Variants in TRMT11 observed in about 807,000 individuals in gnomAD.
The protein encoded by TRMT11 is tRNA (guanine(10)-N(2))-methyltransferase TRMT11.
Under a neutral mutation model 62.8 loss-of-function variants are expected in TRMT11, and 53 were observed. That is an observed-to-expected ratio of 0.84 (90% CI 0.68 to 1.06). The LOEUF (loss-of-function observed/expected upper bound fraction) is 1.06. Among genes scored for constraint, TRMT11 ranks in the 50% least tolerant of loss-of-function variants. The probability of loss-of-function intolerance (pLI) is 0.00; values close to 1 mark genes in which losing one functional copy is unlikely to be tolerated. For synonymous variants in TRMT11, 188 were observed against 190.3 expected (o/e 0.99, Z 0.10); for missense variants, 556 against 553.4 (o/e 1.00, Z -0.05).
chr6:126,009,840 TTTTA>T (rs1359241752), intron 8 of TRMT11, among the ~76,000 whole-genome samples: 1 of 152,092 alleles, frequency 6.6e-6, no homozygotes, highest in Non-Finnish European at 1.5e-5. Flanking sequence ...TTACTTGAAT[TTTTA>T]TTTATTAAAG....
chr6:126,176,518 G>A (rs1182878825), upstream of TRMT11, among the ~76,000 whole-genome samples: 1 of 152,130 alleles, frequency 6.6e-6, no homozygotes, highest in African/African-American at 2.4e-5. Context: ...TTTGTAGTGT[G>A]CAATTTTAAG....
At chr6:126,015,967 C>T (rs1291008000) in intron 11 of TRMT11, among the ~76,000 whole-genome samples, 1 of 152,190 alleles carries the variant, frequency 6.6e-6, no homozygotes. Flanking sequence ...AGCCACTCCT[C>T]CTGGTAATGT....
intron 12 of TRMT11, among the ~76,000 whole-genome samples, chr6:126,035,314 G>T (rs909520690): frequency 6.6e-6 from 1 of 152,106 alleles, no homozygotes; most frequent in East Asian, 1.9e-4. Context: ...CTTACTCGAA[G>T]CAGGACTTGT....
chr6:126,270,633 C>T, the TRMT11 span, among the ~76,000 whole-genome samples: 1 of 152,106 alleles, frequency 6.6e-6, no homozygotes, highest in Non-Finnish European at 1.5e-5. Flanking sequence ...TCAGGCAATA[C>T]ATGCTGAGGA....
the TRMT11 span, among the ~76,000 whole-genome samples, chr6:126,216,559 A>G: frequency 2.0e-5 from 3 of 152,064 alleles, no homozygotes; most frequent in Non-Finnish European, 4.4e-5. Context: ...GAAATATGTC[A>G]TGCCTCTCTC....
intron 12 of TRMT11, among the ~76,000 whole-genome samples, chr6:126,023,147 G>C (rs1241285626): frequency 6.6e-6 from 1 of 152,160 alleles, no homozygotes; most frequent in Non-Finnish European, 1.5e-5. Context: ...CTATTTCAAG[G>C]ATGATGATTT....
At chr6:126,225,982 C>T in the TRMT11 span, among the ~76,000 whole-genome samples, 4 of 151,708 alleles carry the variant, frequency 2.6e-5, no homozygotes, top group African/African-American at 9.7e-5. Context: ...GTGAGTACCG[C>T]GCCTGGCCTA....
At chr6:126,164,781 T>C (rs982223006) in intron 21 of TRMT11, among the ~76,000 whole-genome samples, 2 of 152,200 alleles carry the variant, frequency 1.3e-5, no homozygotes, top group Non-Finnish European at 2.9e-5. Context: ...GTCTGTTTTA[T>C]CAGAGACTAG....
chr6:126,079,414 G>A (rs1777108722), intron 17 of TRMT11, among the ~76,000 whole-genome samples: 1 of 152,118 alleles, frequency 6.6e-6, no homozygotes, highest in Non-Finnish European at 1.5e-5. Context: ...GAGGGAATCT[G>A]AAGACAGACA....
At chr6:126,054,213 G>C (rs1776303059) in intron 17 of TRMT11, among the ~76,000 whole-genome samples, 1 of 152,138 alleles carries the variant, frequency 6.6e-6, no homozygotes, top group Non-Finnish European at 1.5e-5. Flanking sequence ...CTTGACAAAG[G>C]GTGCCTGTAA....
intron 17 of TRMT11, among the ~76,000 whole-genome samples, chr6:126,078,493 G>A (rs894385390): frequency 6.0e-5 from 9 of 150,334 alleles, no homozygotes; most frequent in Non-Finnish European, 1.2e-4. Flanking sequence ...TAATTCCCAT[G>A]ATGTGAAGAG....
intron 12 of TRMT11, among the ~76,000 whole-genome samples, chr6:126,037,936 AT>A (rs1448585905): frequency 6.6e-6 from 1 of 152,078 alleles, no homozygotes; most frequent in African/African-American, 2.4e-5. Flanking sequence ...GTGTAATTGA[AT>A]ATGAATTTAT....
intron 3 of TRMT11, among the ~76,000 whole-genome samples, chr6:125,996,965 A>G (rs903810579): frequency 6.6e-6 from 1 of 152,206 alleles, no homozygotes; most frequent in Non-Finnish European, 1.5e-5. Context: ...ATGAAATAAA[A>G]ATGACTAGAA....
chr6:126,131,544 A>C (rs1439473995), intron 21 of TRMT11, among the ~76,000 whole-genome samples: 1 of 152,004 alleles, frequency 6.6e-6, no homozygotes, highest in African/African-American at 2.4e-5. Context: ...ATTAGAGCAC[A>C]GAAACGAGGC....
At chr6:126,025,329 A>T (rs1772852671) in intron 12 of TRMT11, among the ~76,000 whole-genome samples, 1 of 152,294 alleles carries the variant, frequency 6.6e-6, no homozygotes, top group African/African-American at 2.4e-5. Context: ...TTAAAATGAT[A>T]AATGAGGGTA....
downstream of TRMT11, among the ~76,000 whole-genome samples, chr6:126,207,684 T>C (rs1034608193): frequency 2.6e-5 from 4 of 152,204 alleles, no homozygotes; most frequent in African/African-American, 7.2e-5. Flanking sequence ...AGTTAGGGTG[T>C]ATAAAGTCAA....
chr6:126,140,094 C>A (rs1225048965), intron 21 of TRMT11, among the ~76,000 whole-genome samples: 1 of 151,904 alleles, frequency 6.6e-6, no homozygotes, highest in Non-Finnish European at 1.5e-5. Flanking sequence ...TTTCTAATTT[C>A]AGAAGATTAA....
chr6:125,990,785 T>C (rs1790480711), intron 1 of TRMT11, among the ~76,000 whole-genome samples: 1 of 152,206 alleles, frequency 6.6e-6, no homozygotes, highest in Non-Finnish European at 1.5e-5. Flanking sequence ...TCTCTTGTAC[T>C]CTAATACTTT....
chr6:126,048,508 C>T (rs978888059), intron 16 of TRMT11, among the ~76,000 whole-genome samples: 5 of 152,162 alleles, frequency 3.3e-5, no homozygotes, highest in Admixed American at 6.5e-5. Context: ...ATAGAACTGT[C>T]GGGGTCACTC....
Sources: gnomAD v4.1 joint callset for allele counts (sites outside exome capture counted in the v4.1 genomes callset) on GRCh38, gnomAD v4.1.1 for gene constraint, MANE v1.5 for transcripts, NCBI Gene and HGNC (gene_info 2026-07-23, HGNC 2026-07-21) for gene names.